ANKS1B: variants seen among roughly 807,000 people sequenced by gnomAD.
ANKS1B encodes ankyrin repeat and sterile alpha motif domain-containing protein 1B.
ANKS1B carries 36 observed loss-of-function variants against 148.3 expected under a neutral mutation model. That is an observed-to-expected ratio of 0.24 (90% CI 0.19 to 0.32). The LOEUF (loss-of-function observed/expected upper bound fraction) is 0.32, where lower values mean the gene tolerates loss of function less well. ANKS1B is among the 10% of genes least tolerant of loss of function. The pLI is 1.00. For missense variants in ANKS1B, 1,157 were observed against 1,542.6 expected, an observed-to-expected ratio of 0.75 and a Z score of 4.19; for synonymous variants, 542 against 560.8, an observed-to-expected ratio of 0.97 and a Z score of 0.47.
In ANKS1B at chr12:99,708,297, A is replaced by G. The variant is rs183492115; in HGVS notation, c.1129-53087T>C. 3.3e-3 allele frequency among the ~76,000 whole-genome samples: 503 copies of G among 152,268 alleles called. 1 individual carries two copies. The highest frequency in any genetic ancestry group is 5.7e-3 in the Non-Finnish European group (387 of 68,010). Reference sequence around the variant, plus strand: ...GCATGAAGGACAAGTGACTAAACACATATCATTCTTATTTAATACCATATT... The same window carrying G: ...GCATGAAGGACAAGTGACTAAACACGTATCATTCTTATTTAATACCATATT... On this transcript the variant is annotated intron_variant, in intron 8 of 26. Coordinates refer to ENST00000683438, the MANE Select transcript of ANKS1B (RefSeq NM_001352186.2).
chr12:99,580,238 C>G (rs1429422741), intron 9 of ANKS1B, among the ~76,000 whole-genome samples: 1 of 152,040 alleles, frequency 6.6e-6, no homozygotes, highest in Non-Finnish European at 1.5e-5. Flanking sequence ...AAATTACCTA[C>G]CAGGTACTAT....
intron 1 of ANKS1B, among the ~76,000 whole-genome samples, chr12:99,904,253 A>G (rs570184061): frequency 2.0e-5 from 3 of 150,058 alleles, no homozygotes; most frequent in African/African-American, 7.4e-5. Flanking sequence ...GTGCAATGGC[A>G]TGATCTCAGC....
chr12:99,719,331 G>T (rs550165631), intron 8 of ANKS1B, among the ~76,000 whole-genome samples: 1 of 151,942 alleles, frequency 6.6e-6, no homozygotes, highest in South Asian at 2.1e-4. Flanking sequence ...AATTACCATT[G>T]TTCCTGGCCC....
At chr12:99,748,532 T>C (rs780661232) in intron 8 of ANKS1B, among the ~76,000 whole-genome samples, 50 of 152,062 alleles carry the variant, frequency 3.3e-4, no homozygotes, top group Admixed American at 9.2e-4. Flanking sequence ...TCAATTTTCA[T>C]TCATTTAACA....
chr12:99,489,108 G>T (rs2096530337), intron 10 of ANKS1B, among the ~76,000 whole-genome samples: 1 of 152,010 alleles, frequency 6.6e-6, no homozygotes, highest in Admixed American at 6.6e-5. Flanking sequence ...TAGGCATGGT[G>T]GCACGCACCT....
intron 17 of ANKS1B, among the ~76,000 whole-genome samples, chr12:98,935,906 G>A (rs574740983): frequency 1.1e-4 from 17 of 152,250 alleles, no homozygotes; most frequent in South Asian, 4.1e-4. Context: ...CACTTAGGTG[G>A]CCTTAAATAA....
intron 17 of ANKS1B, among the ~76,000 whole-genome samples, chr12:98,935,666 T>C (rs992753521): frequency 2.0e-5 from 3 of 152,222 alleles, no homozygotes; most frequent in African/African-American, 2.4e-5. Flanking sequence ...TGAATATTTA[T>C]ATCTCAAGAA....
At chr12:99,816,528 TTTAAAATTAAAA>T (rs1244283022) in intron 2 of ANKS1B, among the ~76,000 whole-genome samples, 2 of 151,590 alleles carry the variant, frequency 1.3e-5, no homozygotes, top group African/African-American at 4.8e-5. Context: ...ATGTGCTTAT[TTTAAAATTAAAA>T]TTAAAATTAA....
At chr12:99,544,391 C>T (rs558387121) in intron 9 of ANKS1B, among the ~76,000 whole-genome samples, 42 of 152,252 alleles carry the variant, frequency 2.8e-4, no homozygotes, top group Non-Finnish European at 4.7e-4. Context: ...ACAGTCCCTA[C>T]CCGGACTCTG....
At chr12:98,781,817 A>C (rs183509905) in intron 23 of ANKS1B, among the ~76,000 whole-genome samples, 1 of 152,342 alleles carries the variant, frequency 6.6e-6, no homozygotes, top group African/African-American at 2.4e-5. Context: ...AGAACAATGA[A>C]GCCCTCCAGG....
chr12:99,467,530 C>T (rs1595400835), intron 10 of ANKS1B, among the ~76,000 whole-genome samples: 1 of 152,252 alleles, frequency 6.6e-6, no homozygotes, highest in South Asian at 2.1e-4. Flanking sequence ...GATTGTATAT[C>T]TAGAAAACCC....
chr12:99,550,245 T>C (rs904015230), intron 9 of ANKS1B, among the ~76,000 whole-genome samples: 2 of 152,190 alleles, frequency 1.3e-5, no homozygotes, highest in Non-Finnish European at 2.9e-5. Context: ...ACATAAAGCA[T>C]AGAAACATAA....
At chr12:99,444,433 C>A (rs1174686915) in intron 10 of ANKS1B, among the ~76,000 whole-genome samples, 1 of 151,882 alleles carries the variant, frequency 6.6e-6, no homozygotes, top group Admixed American at 6.6e-5. Flanking sequence ...AATAAAATTT[C>A]AGAATCTAAA....
chr12:99,367,774 A>ATGTGTGTGTGCTTGTG (rs1269475289), intron 12 of ANKS1B, among the ~76,000 whole-genome samples: 5 of 151,556 alleles, frequency 3.3e-5, no homozygotes. Context: ...AGAGCAGAGT[A>ATGTGTGTGTGCTTGTG]TGTGTGTGTG....
chr12:99,402,117 C>T (rs1238484568), intron 11 of ANKS1B, among the ~76,000 whole-genome samples: 1 of 145,970 alleles, frequency 6.9e-6, no homozygotes, highest in African/African-American at 2.6e-5. Flanking sequence ...TCAATAAAAC[C>T]GTAACTATAG....
intron 1 of ANKS1B, among the ~76,000 whole-genome samples, chr12:99,957,444 A>G (rs993744858): frequency 6.6e-6 from 1 of 152,242 alleles, no homozygotes; most frequent in African/African-American, 2.4e-5. Context: ...TCTGGAATCC[A>G]TAGTGAAAAG....
At chr12:99,749,823 C>T (rs1387654530) in intron 8 of ANKS1B, among the ~76,000 whole-genome samples, 1 of 151,786 alleles carries the variant, frequency 6.6e-6, no homozygotes, top group Non-Finnish European at 1.5e-5. Context: ...TTTAAAGATT[C>T]TGGCATATGA....
At chr12:99,537,557 G>A (rs1489217814) in intron 9 of ANKS1B, among the ~76,000 whole-genome samples, 1 of 152,096 alleles carries the variant, frequency 6.6e-6, no homozygotes, top group Non-Finnish European at 1.5e-5. Flanking sequence ...AGTTGTGTAT[G>A]TCTTCTTGTG....
At chr12:98,839,247 T>C (rs766265463) in intron 17 of ANKS1B, among the ~76,000 whole-genome samples, 1 of 152,218 alleles carries the variant, frequency 6.6e-6, no homozygotes, top group African/African-American at 2.4e-5. Flanking sequence ...ATAACCACCA[T>C]GTTATGCAAT....
Sources: gnomAD v4.1 joint callset for allele counts (sites outside exome capture counted in the v4.1 genomes callset) on GRCh38, gnomAD v4.1.1 for gene constraint, MANE v1.5 for transcripts, NCBI Gene and HGNC (gene_info 2026-07-23, HGNC 2026-07-21) for gene names.